PDE7B: variants seen among roughly 807,000 people sequenced by gnomAD.
PDE7B encodes phosphodiesterase 7B.
Under a neutral mutation model 56.2 loss-of-function variants are expected in PDE7B, and 29 were observed. The ratio of observed to expected loss-of-function variants is 0.52; its 90% CI spans 0.38 to 0.70. PDE7B has a LOEUF of 0.70. PDE7B is among the 30% of genes least tolerant of loss of function. The pLI, the probability that PDE7B is intolerant of heterozygous loss-of-function variation, is 0.00. For missense variants in PDE7B, 490 were observed against 565.0 expected (o/e 0.87, Z 1.35); for synonymous variants, 197 against 196.9 (o/e 1.00, Z 0.00).
At position 136,067,895 on chromosome 6, in the gene PDE7B, G is replaced by A. The variant is rs532554219; in HGVS notation, c.83-40836G>A. Reference sequence around the variant, plus strand: ...CTTCCAGAATCAATGAAAAGAGAAGGTCAGGAAGAGGAAAAGCAGCAAACA... The same window carrying A: ...CTTCCAGAATCAATGAAAAGAGAAGATCAGGAAGAGGAAAAGCAGCAAACA... On this transcript the variant is annotated intron_variant, in intron 2 of 12. Transcript: ENST00000308191. Among the ~76,000 whole-genome samples, 16 of 152,286 alleles carry A rather than the reference G, an allele frequency of 1.1e-4. No individual in the cohort carries two copies. In the East Asian group the frequency reaches 1.7e-3, roughly 17 times the overall value.
intron 2 of PDE7B, among the ~76,000 whole-genome samples, chr6:135,979,839 C>T (rs1052833380): frequency 2.6e-5 from 4 of 152,116 alleles, no homozygotes; most frequent in African/African-American, 9.7e-5. Context: ...TAGGAAGAAT[C>T]AATATCGTGA....
intron 2 of PDE7B, among the ~76,000 whole-genome samples, chr6:136,014,986 A>C (rs868816769): frequency 6.6e-6 from 1 of 152,226 alleles, no homozygotes; most frequent in African/African-American, 2.4e-5. Context: ...AATTACGTTG[A>C]ATATCGATGT....
At chr6:136,154,897 A>G (rs1427397311) in intron 7 of PDE7B, among the ~76,000 whole-genome samples, 1 of 152,214 alleles carries the variant, frequency 6.6e-6, no homozygotes, top group Non-Finnish European at 1.5e-5. Context: ...TTTGACAGCA[A>G]CAACTAAATA....
intron 3 of PDE7B, chr6:136,114,909 T>C (rs1343433208): frequency 1.3e-5 from 2 of 152,230 alleles, no homozygotes; most frequent in African/African-American, 4.8e-5. Context: ...CACTCAGGGC[T>C]TCTGGCTGCA....
chr6:136,167,924 AC>A (rs937390619), intron 8 of PDE7B, among the ~76,000 whole-genome samples: 2 of 152,200 alleles, frequency 1.3e-5, no homozygotes, highest in Non-Finnish European at 2.9e-5. Flanking sequence ...TTAATAGGAC[AC>A]AGGACTTCCG....
At chr6:136,191,037 T>TTTTTTA (rs1471563191) in intron 12 of PDE7B, among the ~76,000 whole-genome samples, 26 of 143,204 alleles carry the variant, frequency 1.8e-4, no homozygotes, top group African/African-American at 6.9e-4. Context: ...TTTTTTTTTT[T>TTTTTTA]ACTTATATGT....
At chr6:135,994,259 C>T (rs1183380858) in intron 2 of PDE7B, among the ~76,000 whole-genome samples, 1 of 151,508 alleles carries the variant, frequency 6.6e-6, no homozygotes, top group Non-Finnish European at 1.5e-5. Context: ...GGAAACACTT[C>T]AGAATAAGCA....
At chr6:136,181,904 A>G (rs1779073338) in intron 11 of PDE7B, among the ~76,000 whole-genome samples, 1 of 152,250 alleles carries the variant, frequency 6.6e-6, no homozygotes, top group Non-Finnish European at 1.5e-5. Flanking sequence ...TTAAAAGATT[A>G]ACCTCATTCA....
chr6:136,028,850 C>T (rs1354022134), intron 2 of PDE7B, among the ~76,000 whole-genome samples: 3 of 152,206 alleles, frequency 2.0e-5, no homozygotes, highest in Admixed American at 1.3e-4. Context: ...TGTAACCTAA[C>T]ATATTCACAG....
rs147192023 is a variant in PDE7B, at chr6:136,142,004, G to T, written c.167-5347G>T. 4.1e-3 allele frequency among the ~76,000 whole-genome samples: 622 copies of T among 152,024 alleles called. 13 individuals carry two copies. The highest frequency in any genetic ancestry group is 0.025 in the East Asian group (131 of 5,168). ...TTTCTTGCCTTCTGCTAGCTTTTGCGTGTGTTTGCTCTTGCTTCTCTAGTT... is the reference window on the plus strand; with the variant it reads ...TTTCTTGCCTTCTGCTAGCTTTTGCTTGTGTTTGCTCTTGCTTCTCTAGTT... On this transcript the variant is annotated intron_variant, in intron 3 of 12. Transcript: ENST00000308191.
intron 2 of PDE7B, among the ~76,000 whole-genome samples, chr6:135,986,643 AG>A (rs1047867762): frequency 6.6e-6 from 1 of 152,228 alleles, no homozygotes; most frequent in Admixed American, 6.5e-5. Context: ...TGAAAAATGC[AG>A]GTGTGAGAAA....
intron 8 of PDE7B, among the ~76,000 whole-genome samples, chr6:136,171,509 T>C (rs1305180525): frequency 1.3e-5 from 2 of 152,184 alleles, no homozygotes; most frequent in Non-Finnish European, 2.9e-5. Context: ...TGAGAAATGA[T>C]GGTCAGTGCA....
intron 5 of PDE7B, among the ~76,000 whole-genome samples, chr6:136,150,267 G>A (rs923804531): frequency 6.6e-6 from 1 of 152,074 alleles, no homozygotes; most frequent in African/African-American, 2.4e-5. Flanking sequence ...AAATCGACAG[G>A]GGGAAATAAA....
At chr6:135,921,132 CTTT>C (rs1156757644) in intron 1 of PDE7B, among the ~76,000 whole-genome samples, 3 of 152,112 alleles carry the variant, frequency 2.0e-5, no homozygotes, top group East Asian at 1.9e-4. Flanking sequence ...TGCCACACTT[CTTT>C]GAGTATAAAA....
chr6:135,917,242 A>G (rs1318027556), intron 1 of PDE7B, among the ~76,000 whole-genome samples: 1 of 152,158 alleles, frequency 6.6e-6, no homozygotes, highest in African/African-American at 2.4e-5. Flanking sequence ...GCATCTTAAA[A>G]TTAATTTGTA....
At chr6:135,876,983 T>C (rs1370900234) in intron 1 of PDE7B, among the ~76,000 whole-genome samples, 1 of 152,254 alleles carries the variant, frequency 6.6e-6, no homozygotes, top group Non-Finnish European at 1.5e-5. Flanking sequence ...CAGTATTTTA[T>C]TGAACTGGGT....
chr6:136,098,137 G>T (rs867086766), intron 2 of PDE7B: 6 of 133,678 alleles, frequency 4.5e-5, no homozygotes, highest in Admixed American at 7.9e-5. Context: ...AGTTCCTGGG[G>T]GGGGGGGGGG....
At chr6:136,006,561 A>G (rs1775788344) in intron 2 of PDE7B, among the ~76,000 whole-genome samples, 1 of 151,900 alleles carries the variant, frequency 6.6e-6, no homozygotes, top group South Asian at 2.1e-4. Context: ...ATGTTTTTCC[A>G]TTTGTTTGTC....
chr6:136,108,599 A>G (rs1174738780), intron 2 of PDE7B, 132 bp from the exon 3 acceptor site: 1 of 695,960 alleles, frequency 1.4e-6, no homozygotes, highest in Admixed American at 2.0e-5. Context: ...TCCACATAGC[A>G]CTCTTCAGTA....
Sources: gnomAD v4.1 joint callset for allele counts (sites outside exome capture counted in the v4.1 genomes callset) on GRCh38, gnomAD v4.1.1 for gene constraint, MANE v1.5 for transcripts, NCBI Gene and HGNC (gene_info 2026-07-23, HGNC 2026-07-21) for gene names.